SLC39A14: variants seen among roughly 807,000 people sequenced by gnomAD.
SLC39A14 encodes metal cation symporter ZIP14.
SLC39A14 carries 19 observed loss-of-function variants against 45.5 expected under a neutral mutation model. That is an observed-to-expected ratio of 0.42 (90% CI 0.29 to 0.61). SLC39A14 has a LOEUF of 0.61. Ranked by LOEUF, SLC39A14 falls within the 20% of genes least tolerant of loss-of-function variation. SLC39A14 has a pLI of 0.22. For synonymous variants in SLC39A14, 264 were observed against 251.3 expected (o/e 1.05, Z -0.48); for missense variants, 447 against 616.5 (o/e 0.73, Z 2.91).
intron 1 of SLC39A14, among the ~76,000 whole-genome samples, chr8:22,370,146 GTGCT>G (rs1329166476): frequency 6.6e-6 from 1 of 152,122 alleles, no homozygotes; most frequent in Non-Finnish European, 1.5e-5. Context: ...TGGTGGGTGT[GTGCT>G]TGTGTGTGTG....
Position 22,410,091 on chromosome 8 carries a change from C to T in SLC39A14, c.457+1595C>T, listed in dbSNP as rs144472679. On this transcript the variant is annotated intron_variant, in intron 3 of 8. Coordinates refer to ENST00000381237, the MANE Select transcript of SLC39A14 (RefSeq NM_001128431.4). ...TGTCCATTGGAACGCTGCTGTCTAA[C>T]GCGCTATTCCAGCTCATCCCAGAGG... 2.7e-5 allele frequency: 44 copies of T among 1,614,068 alleles called. No individual in the cohort carries two copies. Among genetic ancestry groups the T allele is most frequent in the African/African-American group, 2.4e-4 (18 of 74,918 alleles).
At chr8:22,400,175 A>G (rs142869480) in intron 1 of SLC39A14, among the ~76,000 whole-genome samples, 1 of 152,316 alleles carries the variant, frequency 6.6e-6, no homozygotes, top group East Asian at 1.9e-4. Context: ...TGGTTAAGAA[A>G]GCACTGAATT....
chr8:22,394,812 T>G (rs992346507), intron 1 of SLC39A14, among the ~76,000 whole-genome samples: 6 of 152,180 alleles, frequency 3.9e-5, no homozygotes, highest in African/African-American at 1.4e-4. Context: ...TTTCTGCCTG[T>G]TGTCTTTACC....
chr8:22,431,942 A>C (rs1205015115), intron 8 of SLC39A14, among the ~76,000 whole-genome samples: 2 of 152,244 alleles, frequency 1.3e-5, no homozygotes, highest in Non-Finnish European at 2.9e-5. Flanking sequence ...TTAAATTTTC[A>C]TGGAGTGGCT....
intron 8 of SLC39A14, among the ~76,000 whole-genome samples, chr8:22,427,738 C>A (rs1223032858): frequency 6.6e-6 from 1 of 152,230 alleles, no homozygotes; most frequent in Admixed American, 6.5e-5. Context: ...TTCTTTCCCC[C>A]TCTTGAAAAT....
At position 22,404,797 on chromosome 8, in the gene SLC39A14, C is replaced by T. The variant is rs146842572; in HGVS notation, c.87C>T (p.His29=). ...TATGGAGAACCACCCCTGAGGCTCA[C>T]GCTTCATCCCTGGGTGCACCAGCTA... ...LGLWRTTPEA[H]ASSLGAPAIS... The change falls in exon 2 of 9, where the codon CAC becomes CAT. Residue 29 remains histidine, a synonymous_variant. Coordinates refer to ENST00000381237, the MANE Select transcript of SLC39A14 (RefSeq NM_001128431.4). 5.0e-6 allele frequency: 8 copies of T among 1,613,384 alleles called. No homozygotes were observed. In the Admixed American group the frequency reaches 5.0e-5, roughly 10 times the overall value.
chr8:22,416,640 T>A (rs1835901280), intron 7 of SLC39A14, among the ~76,000 whole-genome samples: 1 of 151,788 alleles, frequency 6.6e-6, no homozygotes, highest in African/African-American at 2.4e-5. Context: ...TTTCACTACG[T>A]TGGCCAGGCT....
chr8:22,419,896 T>A lies in SLC39A14; in HGVS notation c.*198T>A. The A allele has an allele frequency of 7.7e-7, 1 of 1,293,828 alleles. No individual in the cohort carries two copies. Among genetic ancestry groups the A allele is most frequent in the Non-Finnish European group, 9.8e-7 (1 of 1,022,166 alleles). 80.1% of individuals were successfully genotyped at this position (1,293,828 alleles called of 1,614,324 possible). On this transcript the variant is annotated 3_prime_UTR_variant, in exon 9 of 9. Coordinates refer to ENST00000381237, the MANE Select transcript of SLC39A14 (RefSeq NM_001128431.4). ...ATAAGCTGCCCTGGTAACCAGTCTC[T>A]AGCTAGTGCCTCTTGCCCTCTCCTC...
In SLC39A14 at chr8:22,421,089, T is replaced by C. The variant is rs923169177; in HGVS notation, c.*1391T>C. ...GGTGAATTGATTTATTATTATCATA[T>C]TGATAATGTGAGATTCTTTAGCCAC... On this transcript the variant is annotated 3_prime_UTR_variant, in exon 9 of 9. Coordinates refer to ENST00000381237, the MANE Select transcript of SLC39A14 (RefSeq NM_001128431.4). The C allele has an allele frequency of 1.0e-6, 1 of 985,332 alleles. No homozygotes were observed. Among genetic ancestry groups the C allele is most frequent in the Non-Finnish European group, 1.2e-6 (1 of 829,436 alleles). The allele number at this position is 985,332 out of a possible 1,614,324, so 61.0% of individuals were successfully genotyped here.
At chr8:22,414,377 G>A (rs1835753791) in intron 4 of SLC39A14, among the ~76,000 whole-genome samples, 1 of 152,148 alleles carries the variant, frequency 6.6e-6, no homozygotes, top group African/African-American at 2.4e-5. Flanking sequence ...GTGTTTACAG[G>A]CAGGTCAGCC....
At chr8:22,388,768 C>T (rs114128873) in intron 1 of SLC39A14, among the ~76,000 whole-genome samples, 4,827 of 152,174 alleles carry the variant, frequency 0.032, 182 homozygotes, top group African/African-American at 0.086. Flanking sequence ...TGACCTTGAG[C>T]CAGAAGAATG....
At chr8:22,396,964 AT>A (rs936225186) in intron 1 of SLC39A14, among the ~76,000 whole-genome samples, 3 of 150,614 alleles carry the variant, frequency 2.0e-5, no homozygotes, top group Non-Finnish European at 4.4e-5. Flanking sequence ...GCATTGGTTA[AT>A]TTTTTTTTCT....
At chr8:22,403,566 A>C (rs1835013132) in intron 1 of SLC39A14, among the ~76,000 whole-genome samples, 1 of 151,566 alleles carries the variant, frequency 6.6e-6, no homozygotes, top group Admixed American at 6.6e-5. Context: ...GGCATGAGCC[A>C]CAGTGCCCGG....
Position 22,404,931 on chromosome 8 carries a change from G to T in SLC39A14, c.221G>T (p.Gly74Val), listed in dbSNP as rs774626141. 3 of 1,614,172 alleles carry T rather than the reference G, an allele frequency of 1.9e-6. No individual in the cohort carries two copies. The highest frequency in any genetic ancestry group is 2.5e-6 in the Non-Finnish European group (3 of 1,180,034). The stretch of plus-strand genomic sequence containing the variant: ...CTCAACCACCTGGATGTGGGAGTGG[G>T]CCGGGGTAATGTCACCCAGCACGTG... The part of the protein sequence containing the change: ...ALLNHLDVGV[G>V]RGNVTQHVQG... The change falls in exon 2 of 9, where the codon GGC (glycine) becomes GTC (valine). Residue 74 changes from glycine to valine, a missense_variant. Transcript: ENST00000381237.
intron 1 of SLC39A14, among the ~76,000 whole-genome samples, chr8:22,372,339 A>G (rs1340205654): frequency 6.6e-6 from 1 of 152,152 alleles, no homozygotes; most frequent in Non-Finnish European, 1.5e-5. Flanking sequence ...CATTTTAAAC[A>G]TCATTCAGCA....
chr8:22,420,857 C>T lies in SLC39A14; in HGVS notation c.*1159C>T, dbSNP rs2132384885. 1 of 985,372 alleles carries T rather than the reference C, an allele frequency of 1.0e-6. No homozygotes were observed. Among genetic ancestry groups the T allele is most frequent in the East Asian group, 1.1e-4 (1 of 8,824 alleles). 61.0% of individuals were successfully genotyped at this position (985,372 alleles called of 1,614,324 possible). ...AATGGTTGGCCTAATGATTATGCTACAGATGGGTTTTAAATGACCCGTCTA... is the reference window on the plus strand; with the variant it reads ...AATGGTTGGCCTAATGATTATGCTATAGATGGGTTTTAAATGACCCGTCTA... On this transcript the variant is annotated 3_prime_UTR_variant, in exon 9 of 9. Transcript: ENST00000381237.
rs771372299 is a variant in SLC39A14 at position 22,414,738 on chromosome 8, T to C, written c.628-42T>C. On this transcript the variant is annotated intron_variant, in intron 4 of 8. Transcript: ENST00000381237. The stretch of plus-strand genomic sequence containing the variant: ...ATAAGAGGGGGATCAGTAAAGATGC[T>C]TTATTTTCTTTAAAACTCATTTTCT... 12 of 1,578,126 alleles carry C rather than the reference T, an allele frequency of 7.6e-6. No homozygotes were observed. In the East Asian group the frequency reaches 2.5e-4, roughly 32 times the overall value.
At chr8:22,395,632 CTTT>C (rs1219127052) in intron 1 of SLC39A14, among the ~76,000 whole-genome samples, 4 of 152,158 alleles carry the variant, frequency 2.6e-5, no homozygotes, top group Admixed American at 2.0e-4. Context: ...TTTTATTCCT[CTTT>C]TTTAGTAAGC....
At chr8:22,371,629 C>T (rs1472505219) in intron 1 of SLC39A14, among the ~76,000 whole-genome samples, 1 of 151,704 alleles carries the variant, frequency 6.6e-6, no homozygotes, top group Non-Finnish European at 1.5e-5. Context: ...GACGGGGTTT[C>T]ACCATGTTGG....
Sources: allele counts gnomAD v4.1 joint callset (sites outside exome capture counted in the v4.1 genomes callset), GRCh38; gene constraint gnomAD v4.1.1; transcripts MANE v1.5; gene names NCBI Gene and HGNC (gene_info 2026-07-23, HGNC 2026-07-21).